Variants in TRERF1 observed in about 807,000 individuals in gnomAD.
TRERF1 encodes transcriptional regulating factor 1.
Under a neutral mutation model 122.9 loss-of-function variants are expected in TRERF1, and 27 were observed. The ratio of observed to expected loss-of-function variants is 0.22; its 90% CI spans 0.16 to 0.30. The LOEUF is 0.30. Ranked by LOEUF, TRERF1 falls within the 10% of genes least tolerant of loss-of-function variation. The pLI, the probability that TRERF1 is intolerant of heterozygous loss-of-function variation, is 1.00. For missense variants in TRERF1, 1,248 were observed against 1,560.3 expected (o/e 0.80, Z 3.37); for synonymous variants, 636 against 641.7 (o/e 0.99, Z 0.13).
chr6:42,243,582 A>ATT (rs879346237), intron 14 of TRERF1, among the ~76,000 whole-genome samples: 2 of 142,370 alleles, frequency 1.4e-5, no homozygotes, highest in Admixed American at 7.0e-5. Flanking sequence ...ACCATTCCAG[A>ATT]TTTTTTTTTT....
In TRERF1 at chr6:42,259,131, T is replaced by C. The variant is rs1490407187; in HGVS notation, c.2269+208A>G. 6.6e-6 allele frequency among the ~76,000 whole-genome samples: 1 copy of C among 152,174 alleles called. No individual in the cohort carries two copies. The highest frequency in any genetic ancestry group is 6.5e-5 in the Admixed American group (1 of 15,282). ...ATCCCAGAGACTGTAGTGATCACTT[T>C]ATGCATCTGTCTCCCAATTAGACTG... On this transcript the variant is annotated intron_variant, in intron 9 of 17. Transcript: ENST00000372922. This position sits in a 1 kb window ranked among gnomAD's most constrained non-coding sequence, Gnocchi z 4.9.
chr6:42,265,832 A>C, intron 5 of TRERF1, 35 bp from the exon 6 acceptor site: 1 of 1,608,068 alleles, frequency 6.2e-7, no homozygotes, highest in Non-Finnish European at 8.5e-7. Flanking sequence ...CGAAAAAAAG[A>C]AGAGAAAAAA....
intron 2 of TRERF1, among the ~76,000 whole-genome samples, chr6:42,376,003 C>CA (rs994412796): frequency 6.6e-5 from 10 of 152,140 alleles, no homozygotes; most frequent in African/African-American, 2.4e-4. Context: ...AATGTCCCCC[C>CA]TTTAGGAAAT....
At chr6:42,374,123 CTCTG>C (rs1266339354) in intron 2 of TRERF1, among the ~76,000 whole-genome samples, 1 of 142,068 alleles carries the variant, frequency 7.0e-6, no homozygotes, top group Non-Finnish European at 1.5e-5. Context: ...CAAAGTGAGA[CTCTG>C]TCTTTTTTTT....
At chr6:42,418,232 T>TTTTC (rs1782168514) in intron 2 of TRERF1, among the ~76,000 whole-genome samples, 1 of 128,648 alleles carries the variant, frequency 7.8e-6, no homozygotes, top group Non-Finnish European at 1.7e-5. Flanking sequence ...TTTTTTTTTT[T>TTTTC]TTTTTGAGAT....
Position 42,365,053 on chromosome 6 carries a change from G to T in TRERF1, c.-453-1974C>A, listed in dbSNP as rs73430816. ...GGCAGGTGGGAACCTGAGTGGGCTCGCCGTGGAGTAATATTTTCAGTGAAC... is the reference window on the plus strand; with the variant it reads ...GGCAGGTGGGAACCTGAGTGGGCTCTCCGTGGAGTAATATTTTCAGTGAAC... On this transcript the variant is annotated intron_variant, in intron 2 of 17. Coordinates refer to ENST00000372922, the Ensembl canonical transcript of TRERF1. Among the ~76,000 whole-genome samples the T allele has an allele frequency of 8.2e-3, 1,242 of 152,252 alleles. 21 individuals carry two copies. The highest frequency in any genetic ancestry group is 0.028 in the African/African-American group (1,171 of 41,544).
intron 2 of TRERF1, among the ~76,000 whole-genome samples, chr6:42,420,032 C>A (rs1782535293): frequency 6.6e-6 from 1 of 152,130 alleles, no homozygotes; most frequent in Non-Finnish European, 1.5e-5. Context: ...TTTATTTGTT[C>A]TTTATTCTCC....
At chr6:42,278,031 T>C (rs1056842143) in intron 4 of TRERF1, among the ~76,000 whole-genome samples, 1 of 152,136 alleles carries the variant, frequency 6.6e-6, no homozygotes, top group African/African-American at 2.4e-5. Context: ...CATGTGACCC[T>C]GGGCAAGTCA....
At chr6:42,379,305 T>A (rs1390019840) in intron 2 of TRERF1, among the ~76,000 whole-genome samples, 1 of 151,986 alleles carries the variant, frequency 6.6e-6, no homozygotes, top group African/African-American at 2.4e-5. Flanking sequence ...GCCAAAGAGA[T>A]GGATCCACAT....
intron 4 of TRERF1, among the ~76,000 whole-genome samples, chr6:42,271,301 C>A (rs557518244): frequency 1.3e-5 from 2 of 152,138 alleles, no homozygotes; most frequent in Non-Finnish European, 2.9e-5. Flanking sequence ...TTCCTAATCA[C>A]CCTCCTTTAC....
Position 42,258,191 on chromosome 6 carries a change from A to G in TRERF1, c.2280T>C (p.Asp760=), listed in dbSNP as rs148284928. ...CTGGGGTGACCGTCACGTTGCTGCCATCGATGCTGTCTAAAACACAAAAAT... is the reference window on the plus strand; with the variant it reads ...CTGGGGTGACCGTCACGTTGCTGCCGTCGATGCTGTCTAAAACACAAAAAT... Residue 760 remains aspartate (D), a synonymous_variant, in exon 10 of 18, where the codon GAT becomes GAC. Coordinates refer to ENST00000372922, the Ensembl canonical transcript of TRERF1. 1.7e-4 allele frequency: 269 copies of G among 1,614,234 alleles called. 2 individuals are homozygous for G. The Middle Eastern group carries it at 2.3e-3, about 14-fold the overall frequency.
At chr6:42,329,765 C>T (rs549855984) in intron 3 of TRERF1, among the ~76,000 whole-genome samples, 94 of 152,004 alleles carry the variant, frequency 6.2e-4, no homozygotes, top group African/African-American at 2.1e-3. Context: ...CTGAGGTGGG[C>T]GGATCATGAG....
At position 42,262,522 on chromosome 6, in the gene TRERF1, A is replaced by C. The variant is rs1258628340; in HGVS notation, c.1884+798T>G. The stretch of plus-strand genomic sequence containing the variant: ...GAGAGAGAGAGAGAGAGAGAGAGAG[A>C]GAGAGAGAGAGAGAGAGAGAGAGAG... On this transcript the variant is annotated intron_variant, in intron 8 of 17. Coordinates refer to ENST00000372922, the Ensembl canonical transcript of TRERF1. 1.7e-3 allele frequency among the ~76,000 whole-genome samples: 76 copies of C among 43,698 alleles called. 9 individuals are homozygous for C. Among genetic ancestry groups the C allele is most frequent in the South Asian group, 8.8e-3 (7 of 794 alleles). 28.7% of individuals were successfully genotyped at this position (43,698 alleles called of 152,430 possible). A position where few individuals can be genotyped will look rare whatever the true frequency, so the allele number is the denominator to read the frequency against.
intron 3 of TRERF1, among the ~76,000 whole-genome samples, chr6:42,353,103 C>T (rs908131645): frequency 1.1e-4 from 16 of 152,172 alleles, no homozygotes; most frequent in Middle Eastern, 3.4e-3. Flanking sequence ...CCCAGGAGTT[C>T]GAGGCTGCAG....
chr6:42,242,577 C>A (rs1161379496), intron 15 of TRERF1, among the ~76,000 whole-genome samples: 1 of 152,170 alleles, frequency 6.6e-6, no homozygotes, highest in Non-Finnish European at 1.5e-5. Flanking sequence ...TTGCAAGGAT[C>A]ACAAGTGATA....
At chr6:42,415,497 C>G (rs1460041615) in intron 2 of TRERF1, among the ~76,000 whole-genome samples, 1 of 152,032 alleles carries the variant, frequency 6.6e-6, no homozygotes, top group East Asian at 1.9e-4. Flanking sequence ...ATGGCTTTTA[C>G]GCTTTCATTC....
intron 4 of TRERF1, among the ~76,000 whole-genome samples, chr6:42,289,123 A>G (rs1029143819): frequency 6.6e-6 from 1 of 152,150 alleles, no homozygotes; most frequent in Non-Finnish European, 1.5e-5. Context: ...CGAGAGTTCA[A>G]GATCAACCTG....
exon 18 of TRERF1, chr6:42,226,835 G>C (rs1345328605): frequency 6.6e-6 from 1 of 152,252 alleles, no homozygotes; most frequent in Non-Finnish European, 1.5e-5. Flanking sequence ...GCACACCTAC[G>C]TGGAGCTGGG....
chr6:42,439,393 A>T (rs1444879717), intron 2 of TRERF1, among the ~76,000 whole-genome samples: 1 of 152,066 alleles, frequency 6.6e-6, no homozygotes, highest in African/African-American at 2.4e-5. Flanking sequence ...GGTGCTGGGG[A>T]CACAATAAAT....
Sources: allele counts gnomAD v4.1 joint callset (sites outside exome capture counted in the v4.1 genomes callset), GRCh38; gene constraint gnomAD v4.1.1; non-coding constraint Gnocchi (gnomAD v3.1); transcripts MANE v1.5; gene names NCBI Gene and HGNC (gene_info 2026-07-23, HGNC 2026-07-21).